Variants in S100Z observed in about 807,000 individuals in gnomAD.
S100Z encodes the protein protein S100-Z.
Under a neutral mutation model 8.5 loss-of-function variants are expected in S100Z, and 11 were observed. The ratio of observed to expected loss-of-function variants is 1.30; its 90% CI spans 0.82 to 2.15. S100Z has a LOEUF of 2.15. S100Z is among the 30% of genes most tolerant of loss of function. The probability of loss-of-function intolerance (pLI) is 0.00; values close to 1 mark genes in which losing one functional copy is unlikely to be tolerated. For missense variants in S100Z, 126 were observed against 117.9 expected, an observed-to-expected ratio of 1.07 and a Z score of -0.32; for synonymous variants, 34 against 43.8, an observed-to-expected ratio of 0.78 and a Z score of 0.89.
chr5:76,941,184 C>T, the S100Z span, among the ~76,000 whole-genome samples: 1 of 152,056 alleles, frequency 6.6e-6, no homozygotes, highest in Non-Finnish European at 1.5e-5. Context: ...TAATTTTTTT[C>T]GTTTTGACAT....
the S100Z span, chr5:76,952,921 C>T: frequency 1.8e-6 from 1 of 562,466 alleles, no homozygotes; most frequent in Non-Finnish European, 3.2e-6. Flanking sequence ...GGACCCTCGT[C>T]ATCGCCACGT....
chr5:76,871,630 C>G (rs1464033298), intron 2 of S100Z, among the ~76,000 whole-genome samples: 1 of 150,408 alleles, frequency 6.6e-6, no homozygotes, highest in Non-Finnish European at 1.5e-5. Flanking sequence ...TCAAGTGATT[C>G]TCCTGCTTCA....
the S100Z span, among the ~76,000 whole-genome samples, chr5:76,935,519 A>C: frequency 6.6e-6 from 1 of 152,176 alleles, no homozygotes; most frequent in Admixed American, 6.6e-5. Flanking sequence ...TCATGTTTCT[A>C]TTCCTTTTCT....
intron 4 of S100Z, among the ~76,000 whole-genome samples, chr5:76,916,160 C>CAAAAAA (rs60866296): frequency 1.5e-5 from 1 of 66,820 alleles, no homozygotes; most frequent in Non-Finnish European, 3.7e-5. Flanking sequence ...GACTCCATCT[C>CAAAAAA]AAAAAAAAAA....
intron 1 of S100Z, among the ~76,000 whole-genome samples, chr5:76,869,348 G>C (rs990467407): frequency 2.8e-5 from 4 of 143,102 alleles, no homozygotes; most frequent in Non-Finnish European, 5.9e-5. Flanking sequence ...TATCAGAGAT[G>C]GGGGGATGTG....
intron 1 of S100Z, among the ~76,000 whole-genome samples, chr5:76,851,037 A>G (rs182542346): frequency 3.3e-4 from 50 of 152,294 alleles, no homozygotes; most frequent in Non-Finnish European, 6.6e-4. Context: ...GGCCCAGAGT[A>G]TGTGCTAATT....
chr5:76,940,536 C>T, the S100Z span, among the ~76,000 whole-genome samples: 1 of 152,068 alleles, frequency 6.6e-6, no homozygotes, highest in African/African-American at 2.4e-5. Context: ...CCTCAGCCTC[C>T]TGAGTAGCTG....
chr5:76,910,954 T>C (rs548094179), intron 4 of S100Z, among the ~76,000 whole-genome samples: 3 of 152,290 alleles, frequency 2.0e-5, no homozygotes, highest in African/African-American at 7.2e-5. Flanking sequence ...TGCCTGAAAG[T>C]CCCACACCCT....
At chr5:76,877,893 AT>A in intron 4 of S100Z, 59 bp downstream of exon 4, 1 of 1,218,778 alleles carries the variant, frequency 8.2e-7, no homozygotes. Context: ...CTTAATGTTC[AT>A]TTATACCGTT....
intron 1 of S100Z, among the ~76,000 whole-genome samples, chr5:76,852,818 G>A (rs1750768344): frequency 6.6e-6 from 1 of 152,208 alleles, no homozygotes; most frequent in Admixed American, 6.5e-5. Flanking sequence ...GGCCTAGGTG[G>A]CTCATGAACT....
At chr5:76,923,313 A>G (rs1745080887), downstream of S100Z, among the ~76,000 whole-genome samples, 2 of 152,138 alleles carry the variant, frequency 1.3e-5, no homozygotes, top group South Asian at 2.1e-4. Flanking sequence ...GGATTTGCCC[A>G]TTTATTCCCA....
chr5:76,893,124 A>G (rs1743923583), intron 4 of S100Z, among the ~76,000 whole-genome samples: 1 of 152,038 alleles, frequency 6.6e-6, no homozygotes, highest in Non-Finnish European at 1.5e-5. Flanking sequence ...GGGTTTCAAG[A>G]TTTCTTTTTC....
downstream of S100Z, among the ~76,000 whole-genome samples, chr5:76,921,930 A>G (rs181680165): frequency 2.0e-5 from 3 of 151,858 alleles, no homozygotes; most frequent in African/African-American, 7.2e-5. Flanking sequence ...CAGAGGTTGC[A>G]GTGAGCTGAG....
At chr5:76,881,074 A>C (rs1231690314) in intron 4 of S100Z, among the ~76,000 whole-genome samples, 1 of 152,206 alleles carries the variant, frequency 6.6e-6, no homozygotes, top group Non-Finnish European at 1.5e-5. Flanking sequence ...AAAGTAAAGA[A>C]TAGGACTTCA....
chr5:76,917,346 A>G (rs976342079), intron 4 of S100Z, among the ~76,000 whole-genome samples: 2 of 152,144 alleles, frequency 1.3e-5, no homozygotes, highest in African/African-American at 2.4e-5. Context: ...GCTTCCATAT[A>G]CTATTCATAG....
chr5:76,920,733 A>G lies in S100Z; in HGVS notation c.*19A>G, dbSNP rs931998249. ...TGATTTCAGGAAGTTCGTGAATGCT[A>G]ATCAAGGGCTAAATAAAGTGGAAAG... On this transcript the variant is annotated 3_prime_UTR_variant, in exon 5 of 5. Coordinates refer to ENST00000317593, the MANE Select transcript of S100Z (RefSeq NM_130772.4). The G allele has an allele frequency of 6.6e-6, 1 of 152,242 alleles. No homozygotes were observed. Among genetic ancestry groups the G allele is most frequent in the Non-Finnish European group, 1.5e-5 (1 of 68,054 alleles). The allele number at this position is 152,242 out of a possible 1,614,324, so 9.4% of individuals were successfully genotyped here.
chr5:76,861,256 C>T (rs2150624384), intron 1 of S100Z, among the ~76,000 whole-genome samples: 1 of 152,230 alleles, frequency 6.6e-6, no homozygotes, highest in South Asian at 2.1e-4. Context: ...GTAGATCTCT[C>T]CGTAGGACTT....
intron 4 of S100Z, among the ~76,000 whole-genome samples, chr5:76,888,414 C>T (rs549568823): frequency 1.4e-3 from 131 of 94,922 alleles, no homozygotes; most frequent in African/African-American, 5.4e-3. Flanking sequence ...CTTGCTCTGT[C>T]ACCTAGGCTG....
intron 4 of S100Z, among the ~76,000 whole-genome samples, chr5:76,899,367 A>T (rs115645549): frequency 0.015 from 2,174 of 148,734 alleles, 59 homozygotes; most frequent in African/African-American, 0.05. Flanking sequence ...CTAAGTAAGG[A>T]CTTACTCCTA....
Sources: gnomAD v4.1 joint callset for allele counts (sites outside exome capture counted in the v4.1 genomes callset) on GRCh38, gnomAD v4.1.1 for gene constraint, MANE v1.5 for transcripts, NCBI Gene and HGNC (gene_info 2026-07-23, HGNC 2026-07-21) for gene names.